The following MYT1L variants were observed in gnomAD, a reference collection of about 807,000 sequenced individuals.
MYT1L encodes myelin transcription factor 1 like.
Under a neutral mutation model 126.7 loss-of-function variants are expected in MYT1L, and 12 were observed. The observed-to-expected ratio is 0.09, with a 90% CI of 0.06 to 0.15. The LOEUF (loss-of-function observed/expected upper bound fraction) is 0.15. Among genes scored for constraint, MYT1L ranks in the 10% least tolerant of loss-of-function variants. The probability of loss-of-function intolerance (pLI) is 1.00; values close to 1 mark genes in which losing one functional copy is unlikely to be tolerated. For synonymous variants in MYT1L, 541 were observed against 604.2 expected, an observed-to-expected ratio of 0.90 and a Z score of 1.53; for missense variants, 979 against 1,585.2, an observed-to-expected ratio of 0.62 and a Z score of 6.49.
chr2:2,215,899 C>T (rs867227662), intron 2 of MYT1L, among the ~76,000 whole-genome samples: 16 of 152,190 alleles, frequency 1.1e-4, no homozygotes, highest in Non-Finnish European at 1.8e-4. Context: ...GGAAGGTGTT[C>T]GGGTCATAGG....
chr2:2,270,501 C>G (rs2095241845), intron 2 of MYT1L, among the ~76,000 whole-genome samples: 1 of 152,112 alleles, frequency 6.6e-6, no homozygotes, highest in Non-Finnish European at 1.5e-5. Flanking sequence ...AATGATCTGT[C>G]ACTGAATCAG....
chr2:2,033,336 C>G (rs1288215537), intron 4 of MYT1L, among the ~76,000 whole-genome samples: 1 of 137,858 alleles, frequency 7.3e-6, no homozygotes, highest in African/African-American at 2.8e-5. Context: ...GCCAGTGCCT[C>G]TCATCCTGTG....
intron 21 of MYT1L, among the ~76,000 whole-genome samples, chr2:1,838,778 T>G (rs567486783): frequency 6.6e-6 from 1 of 152,318 alleles, no homozygotes; most frequent in Admixed American, 6.5e-5. Context: ...CCAAATGCCA[T>G]CCTCTTTCCC....
At chr2:2,079,195 A>T (rs1282981926) in intron 3 of MYT1L, among the ~76,000 whole-genome samples, 4 of 152,254 alleles carry the variant, frequency 2.6e-5, no homozygotes, top group Admixed American at 2.0e-4. Context: ...GGACTAAAAC[A>T]ACTAGAATAA....
In MYT1L at chr2:1,852,920, G is replaced by A. The variant is rs138594192; in HGVS notation, c.2712-1217C>T. Among the ~76,000 whole-genome samples, 14 of 152,298 alleles carry A rather than the reference G, an allele frequency of 9.2e-5. No individual in the cohort carries two copies. The highest frequency in any genetic ancestry group is 2.1e-4 in the South Asian group (1 of 4,826). On this transcript the variant is annotated intron_variant, in intron 18 of 24. Transcript: ENST00000647738. The surrounding 1 kb of genome is among the most constrained non-coding windows in gnomAD (Gnocchi z 4.0). ...AGAAAGTCACTATGGATAGGGTACT[G>A]GGGGCTGAGACCAGGACGGCAAAGT...
At chr2:2,080,676 A>G (rs774380606) in intron 3 of MYT1L, among the ~76,000 whole-genome samples, 2 of 152,216 alleles carry the variant, frequency 1.3e-5, no homozygotes, top group Non-Finnish European at 1.5e-5. Flanking sequence ...AAAGGAAAAG[A>G]AAAGAAAAGA....
intron 19 of MYT1L, among the ~76,000 whole-genome samples, chr2:1,850,814 T>C (rs2148521489): frequency 6.6e-6 from 1 of 152,226 alleles, no homozygotes; most frequent in Non-Finnish European, 1.5e-5. Context: ...GTGCTTCCCG[T>C]GGGGAATTTT....
At chr2:1,834,502 G>A (rs1222130231) in intron 21 of MYT1L, among the ~76,000 whole-genome samples, 1 of 152,194 alleles carries the variant, frequency 6.6e-6, no homozygotes, top group African/African-American at 2.4e-5. Context: ...ATATTATTCA[G>A]TCTCAAAAGG....
intron 21 of MYT1L, among the ~76,000 whole-genome samples, chr2:1,836,914 C>A (rs988724985): frequency 6.6e-6 from 1 of 152,232 alleles, no homozygotes; most frequent in African/African-American, 2.4e-5. Context: ...GGGGAAGAGG[C>A]TCCCTTTTGG....
chr2:2,153,802 C>T (rs1559162137), intron 3 of MYT1L, among the ~76,000 whole-genome samples: 1 of 151,972 alleles, frequency 6.6e-6, no homozygotes, highest in Non-Finnish European at 1.5e-5. Flanking sequence ...ATGGTGGGCT[C>T]GCCAGCAGCT....
At chr2:2,267,900 C>G (rs138561405) in intron 2 of MYT1L, among the ~76,000 whole-genome samples, 1 of 152,208 alleles carries the variant, frequency 6.6e-6, no homozygotes, top group African/African-American at 2.4e-5. Context: ...GGCTTCAGAA[C>G]CACATCCTAA....
intron 18 of MYT1L, among the ~76,000 whole-genome samples, chr2:1,858,424 AATG>A (rs978872718): frequency 1.3e-5 from 2 of 152,202 alleles, no homozygotes; most frequent in African/African-American, 4.8e-5. Flanking sequence ...TTCAGAGAAA[AATG>A]ATAAAAAACA....
At chr2:2,239,526 T>C (rs552493351) in intron 2 of MYT1L, among the ~76,000 whole-genome samples, 1 of 152,332 alleles carries the variant, frequency 6.6e-6, no homozygotes, top group Non-Finnish European at 1.5e-5. Flanking sequence ...ATGAGTTTGT[T>C]TGAAAGGAAT....
At chr2:1,794,691 G>GGCC (rs2033050880) in intron 23 of MYT1L, among the ~76,000 whole-genome samples, 1 of 152,174 alleles carries the variant, frequency 6.6e-6, no homozygotes, top group African/African-American at 2.4e-5. Context: ...ATCTTCCTAT[G>GGCC]TTCAGGAATC....
In MYT1L at chr2:1,849,716, G is replaced by A. The variant is rs376677328; in HGVS notation, c.2774+1925C>T. Among the ~76,000 whole-genome samples the A allele has an allele frequency of 2.6e-5, 4 of 152,360 alleles. No individual in the cohort carries two copies. In the East Asian group the frequency reaches 5.8e-4, roughly 22 times the overall value. ...GGTGAAGAGCTTGCAACGTTGGCAC[G>A]GAGTCTGGAGAATCCTCCCACAAGT... On this transcript the variant is annotated intron_variant, in intron 19 of 24. Coordinates refer to ENST00000647738, the MANE Select transcript of MYT1L (RefSeq NM_001303052.2).
In MYT1L at chr2:1,917,834, T is replaced by C. The variant is rs1398845888; in HGVS notation, c.1484-495A>G. Among the ~76,000 whole-genome samples the C allele has an allele frequency of 2.0e-5, 3 of 152,212 alleles. No homozygotes were observed. The highest frequency in any genetic ancestry group is 4.1e-4 in the South Asian group (2 of 4,834). ...TAGAAGCTGCAGGATTTTACTGACA[T>C]TGAAATTTGCTCTCCGGAGGTCAAG... On this transcript the variant is annotated intron_variant, in intron 10 of 24. Coordinates refer to ENST00000647738, the MANE Select transcript of MYT1L (RefSeq NM_001303052.2). This position sits in a 1 kb window ranked among gnomAD's most constrained non-coding sequence, Gnocchi z 5.9.
At chr2:2,005,949 T>C (rs2063270121) in intron 4 of MYT1L, among the ~76,000 whole-genome samples, 1 of 151,396 alleles carries the variant, frequency 6.6e-6, no homozygotes, top group Non-Finnish European at 1.5e-5. Context: ...CATGTGTTCT[T>C]TCCTGAATGC....
intron 1 of MYT1L, among the ~76,000 whole-genome samples, chr2:2,300,832 G>T (rs546705669): frequency 4.6e-5 from 7 of 152,230 alleles, no homozygotes; most frequent in African/African-American, 1.7e-4. Context: ...CATCTTAGTG[G>T]ACATCAGAGC....
At chr2:1,891,462 G>GC (rs1359633386) in intron 15 of MYT1L, among the ~76,000 whole-genome samples, 1 of 152,190 alleles carries the variant, frequency 6.6e-6, no homozygotes. Flanking sequence ...CAATTGATAA[G>GC]AAAATTAAAA....
Sources: allele counts gnomAD v4.1 joint callset (sites outside exome capture counted in the v4.1 genomes callset), GRCh38; gene constraint gnomAD v4.1.1; non-coding constraint Gnocchi (gnomAD v3.1); transcripts MANE v1.5; gene names NCBI Gene and HGNC (gene_info 2026-07-23, HGNC 2026-07-21).